GPT2: variants seen among roughly 807,000 people sequenced by gnomAD.
GPT2 encodes alanine aminotransferase 2.
A neutral mutation model predicts 56.9 loss-of-function variants in GPT2; 30 were observed. That is an observed-to-expected ratio of 0.53 (90% confidence interval 0.39 to 0.72). The LOEUF (loss-of-function observed/expected upper bound fraction) is 0.72, where lower values mean the gene tolerates loss of function less well. GPT2 is among the 30% of genes least tolerant of loss of function. GPT2 has a pLI of 0.00. For missense variants in GPT2, 542 were observed against 703.4 expected (o/e 0.77, Z 2.60); for synonymous variants, 271 against 283.1 (o/e 0.96, Z 0.43).
intron 10 of GPT2, 46 bp downstream of exon 10, chr16:46,924,590 G>T: frequency 6.2e-7 from 1 of 1,603,106 alleles, no homozygotes; most frequent in Non-Finnish European, 8.5e-7. Flanking sequence ...AGGTTCACCT[G>T]AGATGCTGGG....
intron 2 of GPT2, among the ~76,000 whole-genome samples, chr16:46,891,696 T>TGTA (rs1394678098): frequency 1.3e-5 from 2 of 152,134 alleles, no homozygotes; most frequent in Admixed American, 6.5e-5. Flanking sequence ...GGTACAGGCA[T>TGTA]GTAGTGTGTA....
chr16:46,908,034 A>G (rs1329927764), intron 5 of GPT2, among the ~76,000 whole-genome samples: 1 of 148,618 alleles, frequency 6.7e-6, no homozygotes, highest in Non-Finnish European at 1.5e-5. Context: ...TGGAGGTTTC[A>G]GTCCTGGGCT....
rs1321834518 is a variant in GPT2 at position 46,885,133 on chromosome 16, G to A, written c.243+175G>A. On this transcript the variant is annotated intron_variant, in intron 2 of 11. Transcript: ENST00000340124. ...CCGCCCGTTCACTTACTGGTGCCCA[G>A]CACCGGGCACTCAGTGAGGCCTTGC... 49 of 1,345,716 alleles carry A rather than the reference G, an allele frequency of 3.6e-5. No homozygotes were observed. The South Asian group carries it at 8.2e-4, about 22-fold the overall frequency. 83.4% of individuals were successfully genotyped at this position (1,345,716 alleles called of 1,614,324 possible).
intron 2 of GPT2, 151 bp downstream of exon 2, chr16:46,885,109 C>A: frequency 7.4e-7 from 1 of 1,349,886 alleles, no homozygotes; most frequent in Non-Finnish European, 9.5e-7. Context: ...TGCCCCCTCC[C>A]GCCCGTTCAC....
At chr16:46,925,514 A>G (rs577481977) in intron 10 of GPT2, among the ~76,000 whole-genome samples, 6 of 152,062 alleles carry the variant, frequency 3.9e-5, no homozygotes, top group Non-Finnish European at 7.4e-5. Flanking sequence ...TCTAGGCCCC[A>G]TCCTAGACCT....
intron 10 of GPT2, among the ~76,000 whole-genome samples, chr16:46,925,883 C>T (rs1961397114): frequency 6.6e-6 from 1 of 151,766 alleles, no homozygotes; most frequent in South Asian, 2.1e-4. Context: ...CCTGTAATCA[C>T]TTTTGGGAGC....
At chr16:46,915,861 C>G (rs1044005208) in intron 6 of GPT2, 1 of 149,178 alleles carries the variant, frequency 6.7e-6, no homozygotes, top group African/African-American at 2.5e-5. Flanking sequence ...TACACAGACA[C>G]ATACACCCCA....
intron 4 of GPT2, among the ~76,000 whole-genome samples, chr16:46,904,119 G>A (rs1245969116): frequency 2.0e-5 from 3 of 152,228 alleles, no homozygotes; most frequent in Admixed American, 2.0e-4. Context: ...CCTCAGCAGG[G>A]TGTAGTGGAG....
In GPT2 at chr16:46,926,933, A is replaced by G. The variant is rs1345590619; in HGVS notation, c.1377A>G (p.Gln459=). 3.2e-6 allele frequency: 5 copies of G among 1,579,974 alleles called. No individual in the cohort carries two copies. Among genetic ancestry groups the G allele is most frequent in the East Asian group, 2.3e-5 (1 of 43,932 alleles). The change falls in exon 11 of 12, where the codon CAA becomes CAG. Residue 459 remains glutamine (Q), a synonymous_variant. Coordinates refer to ENST00000340124, the MANE Select transcript of GPT2 (RefSeq NM_133443.4). ...AKAVEAAQAH[Q]MAPDMFYCMK... ...TCTGTCTGCTCCCATAGGCCCATCA[A>G]ATGGCTCCAGACATGTTCTACTGCA...
In GPT2 at chr16:46,929,844, C is replaced by T. The variant is rs1274015641; in HGVS notation, c.*847C>T. The T allele has an allele frequency of 6.6e-6, 1 of 152,334 alleles. No individual in the cohort carries two copies. The highest frequency in any genetic ancestry group is 1.5e-5 in the Non-Finnish European group (1 of 68,118). 9.4% of individuals were successfully genotyped at this position (152,334 alleles called of 1,614,324 possible). ...GCTGGAATGGTGTGGACCCATCCCG[C>T]GGGTGACCGGTGCCTGTTCTCCCCT... On this transcript the variant is annotated 3_prime_UTR_variant, in exon 12 of 12. Coordinates refer to ENST00000340124, the MANE Select transcript of GPT2 (RefSeq NM_133443.4).
At chr16:46,926,338 A>C (rs1961410608) in intron 10 of GPT2, among the ~76,000 whole-genome samples, 1 of 151,784 alleles carries the variant, frequency 6.6e-6, no homozygotes, top group African/African-American at 2.4e-5. Context: ...AATTCCAGTT[A>C]CTCAGGAGGC....
At chr16:46,906,076 T>C (rs932243484) in intron 4 of GPT2, among the ~76,000 whole-genome samples, 1 of 151,900 alleles carries the variant, frequency 6.6e-6, no homozygotes, top group African/African-American at 2.4e-5. Context: ...GGGGTTTTTG[T>C]TTTTATTTTT....
intron 6 of GPT2, among the ~76,000 whole-genome samples, chr16:46,914,944 G>T (rs1961112876): frequency 6.6e-6 from 1 of 152,056 alleles, no homozygotes; most frequent in Non-Finnish European, 1.5e-5. Flanking sequence ...TTGAGACAGG[G>T]TCTTGCTCTG....
At chr16:46,928,291 G>A (rs1407035196) in intron 11 of GPT2, among the ~76,000 whole-genome samples, 2 of 151,566 alleles carry the variant, frequency 1.3e-5, no homozygotes, top group African/African-American at 4.9e-5. Flanking sequence ...TCACTCTACT[G>A]CATTCAAGCT....
At position 46,922,353 on chromosome 16, in the gene GPT2, C is replaced by T. The variant is rs149115741; in HGVS notation, c.1149C>T (p.Ala383=). Residue 383 remains alanine (A), a synonymous_variant, in exon 9 of 12, where the codon GCC becomes GCT. Coordinates refer to ENST00000340124, the MANE Select transcript of GPT2 (RefSeq NM_133443.4). ...TGTGCCCCCCAGTGTCTGGGCAGGC[C>T]GCCATGGACATTGTCGTGAACCCCC... is the stretch of plus-strand genomic sequence containing the variant. ...VRLCPPVSGQ[A]AMDIVVNPPV... The T allele has an allele frequency of 5.3e-4, 859 of 1,613,832 alleles. No homozygotes were observed. Among genetic ancestry groups the T allele is most frequent in the Non-Finnish European group, 6.7e-4 (787 of 1,180,000 alleles).
At position 46,884,376 on chromosome 16, in the gene GPT2, G is replaced by C. The variant is rs982717540; in HGVS notation, c.-114G>C. 5 of 184,232 alleles carry C rather than the reference G, an allele frequency of 2.7e-5. No homozygotes were observed. Among genetic ancestry groups the C allele is most frequent in the African/African-American group, 1.2e-4 (5 of 42,506 alleles). 11.4% of individuals were successfully genotyped at this position (184,232 alleles called of 1,614,324 possible). ...AGGGGCCGGGCGGCGCGGGCGCCGG[G>C]CGCGGGGATGCGGCTGTGGGCGCCG... On this transcript the variant is annotated 5_prime_UTR_variant, in exon 1 of 12. Transcript: ENST00000340124.
chr16:46,920,251 A>C (rs1272197886), intron 8 of GPT2, among the ~76,000 whole-genome samples: 1 of 152,252 alleles, frequency 6.6e-6, no homozygotes, highest in African/African-American at 2.4e-5. Context: ...AAGCAGGTTT[A>C]AGGGGAAAGA....
intron 6 of GPT2, among the ~76,000 whole-genome samples, chr16:46,912,238 G>A (rs956223609): frequency 6.6e-6 from 1 of 152,170 alleles, no homozygotes; most frequent in African/African-American, 2.4e-5. Flanking sequence ...GGGTGGAACT[G>A]TGGAGTGCAG....
At chr16:46,911,625 C>T (rs993586138) in intron 6 of GPT2, among the ~76,000 whole-genome samples, 4 of 152,112 alleles carry the variant, frequency 2.6e-5, no homozygotes, top group African/African-American at 9.7e-5. Context: ...TATCGGTAGC[C>T]TGTGCTGCCG....
Sources: allele counts gnomAD v4.1 joint callset (sites outside exome capture counted in the v4.1 genomes callset), GRCh38; gene constraint gnomAD v4.1.1; transcripts MANE v1.5; gene names NCBI Gene and HGNC (gene_info 2026-07-23, HGNC 2026-07-21).